TENM3: variants seen among roughly 807,000 people sequenced by gnomAD.
TENM3 encodes the protein teneurin transmembrane protein 3.
A neutral mutation model predicts 255.1 loss-of-function variants in TENM3; 63 were observed. The ratio of observed to expected loss-of-function variants is 0.25; its 90% CI spans 0.20 to 0.30. The LOEUF is 0.30. TENM3 is among the 10% of genes least tolerant of loss of function. The probability of loss-of-function intolerance (pLI) is 1.00; values close to 1 mark genes in which losing one functional copy is unlikely to be tolerated. For missense variants in TENM3, 2,929 were observed against 3,461.1 expected (o/e 0.85, Z 3.86); for synonymous variants, 1,306 against 1,322.3 (o/e 0.99, Z 0.27).
chr4:181,857,166 G>A, the TENM3 span, among the ~76,000 whole-genome samples: 396 of 152,234 alleles, frequency 2.6e-3, no homozygotes, highest in African/African-American at 9.2e-3. Flanking sequence ...GGAGGGGAAG[G>A]TGAGGGCATG....
intron 12 of TENM3, among the ~76,000 whole-genome samples, chr4:182,702,301 T>G (rs775362366): frequency 8.5e-5 from 13 of 152,156 alleles, no homozygotes; most frequent in Non-Finnish European, 1.9e-4. Context: ...ATAAAGAATG[T>G]TCTCAGCAAA....
the TENM3 span, among the ~76,000 whole-genome samples, chr4:181,486,501 A>G: frequency 1.3e-5 from 2 of 152,238 alleles, no homozygotes; most frequent in Non-Finnish European, 2.9e-5. Flanking sequence ...TAGATATATA[A>G]AAAAGGAGGT....
chr4:181,732,280 C>T, the TENM3 span, among the ~76,000 whole-genome samples: 1 of 152,112 alleles, frequency 6.6e-6, no homozygotes, highest in Non-Finnish European at 1.5e-5. Flanking sequence ...GACTGTAGAA[C>T]TCAGAAATGA....
chr4:181,463,300 C>T, the TENM3 span, among the ~76,000 whole-genome samples: 2 of 152,146 alleles, frequency 1.3e-5, no homozygotes, highest in African/African-American at 4.8e-5. Context: ...TTTGTAATGC[C>T]CTTGCAATTT....
chr4:182,685,648 T>C (rs1245472434), intron 11 of TENM3, among the ~76,000 whole-genome samples: 1 of 152,134 alleles, frequency 6.6e-6, no homozygotes, highest in Non-Finnish European at 1.5e-5. Context: ...GATAATTACT[T>C]CTATAGTAAA....
rs1344400477 is a variant in TENM3 at position 182,161,824 on chromosome 4, TACAC to T, written c.-76+17072_-76+17075del. Among the ~76,000 whole-genome samples, 3 of 34,142 alleles carry T rather than the reference TACAC, an allele frequency of 8.8e-5. 1 individual carries two copies. In the South Asian group the frequency reaches 3.2e-3, roughly 36 times the overall value. 22.4% of individuals were successfully genotyped at this position (34,142 alleles called of 152,430 possible). A position where few individuals can be genotyped will look rare whatever the true frequency, so the allele number is the denominator to read the frequency against. On this transcript the variant is annotated intron_variant, in intron 1 of 2. Transcript: ENST00000512480. ...ATATACACATATATATGTATATATA[TACAC>T]ATATATATGTGTATATATACACAAA...
the TENM3 span, among the ~76,000 whole-genome samples, chr4:181,842,641 G>A: frequency 1.3e-5 from 2 of 152,196 alleles, no homozygotes; most frequent in Non-Finnish European, 2.9e-5. Flanking sequence ...ATGTTAAGAG[G>A]TCACCTGAGC....
chr4:182,793,543 G>C lies in TENM3; in HGVS notation c.6871G>C (p.Glu2291Gln). The C allele has an allele frequency of 6.2e-7, 1 of 1,614,008 alleles. No homozygotes were observed. Among genetic ancestry groups the C allele is most frequent in the Non-Finnish European group, 8.5e-7 (1 of 1,179,864 alleles). ...TGCCATGGAAATCAGCAGTGGGGAT[G>C]AATTCTATATTGCATCGGATAACAC... ...LFAMEISSGD[E>Q]FYIASDNTGT... is the part of the protein sequence containing the mutation. Residue 2291 changes from glutamate (E) to glutamine (Q), a missense_variant, in exon 26 of 28, where the codon GAA becomes CAA. This residue lies in a region of TENM3 where 256 missense variants were observed against 389.3 expected (regional missense o/e 0.66). Coordinates refer to ENST00000511685, the MANE Select transcript of TENM3 (RefSeq NM_001080477.4). The surrounding 1 kb of genome is among the most constrained non-coding windows in gnomAD (Gnocchi z 5.7).
chr4:181,569,374 T>C, the TENM3 span, among the ~76,000 whole-genome samples: 1 of 152,232 alleles, frequency 6.6e-6, no homozygotes, highest in Admixed American at 6.5e-5. Context: ...ATCCTGTTAC[T>C]ATTATACTGC....
chr4:182,551,887 C>T (rs1273545523), intron 3 of TENM3, among the ~76,000 whole-genome samples: 2 of 151,876 alleles, frequency 1.3e-5, no homozygotes, highest in Non-Finnish European at 2.9e-5. Context: ...CGTGGTAGTG[C>T]ATGCCTGTAA....
chr4:181,811,195 A>C, the TENM3 span, among the ~76,000 whole-genome samples: 1 of 152,202 alleles, frequency 6.6e-6, no homozygotes, highest in Non-Finnish European at 1.5e-5. Context: ...AATTGAAAGG[A>C]TCACTTGACA....
At chr4:181,943,357 G>A in the TENM3 span, among the ~76,000 whole-genome samples, 1 of 152,140 alleles carries the variant, frequency 6.6e-6, no homozygotes, top group African/African-American at 2.4e-5. Context: ...CAGATTACAA[G>A]CAGGGGAGAG....
At chr4:182,696,367 A>G (rs1561123463) in intron 12 of TENM3, among the ~76,000 whole-genome samples, 1 of 152,218 alleles carries the variant, frequency 6.6e-6, no homozygotes, top group Non-Finnish European at 1.5e-5. Context: ...GAGGCAATCA[A>G]AGAGTAATTA....
the TENM3 span, among the ~76,000 whole-genome samples, chr4:181,676,404 A>T: frequency 9.8e-5 from 14 of 142,970 alleles, no homozygotes; most frequent in South Asian, 3.0e-3. Context: ...TTCAGGAGGT[A>T]TATGTGCAGG....
chr4:182,166,939 G>C (rs1751762661), intron 1 of TENM3, among the ~76,000 whole-genome samples: 1 of 152,058 alleles, frequency 6.6e-6, no homozygotes, highest in Non-Finnish European at 1.5e-5. Flanking sequence ...GTTATGTTTA[G>C]AATTTTAGCT....
At chr4:182,370,270 C>T (rs758114187) in intron 3 of TENM3, among the ~76,000 whole-genome samples, 2 of 152,142 alleles carry the variant, frequency 1.3e-5, no homozygotes, top group Non-Finnish European at 2.9e-5. Context: ...TCAAACATAA[C>T]CCAAGTTTCC....
chr4:182,520,072 T>G (rs1388057626), intron 3 of TENM3, among the ~76,000 whole-genome samples: 1 of 152,126 alleles, frequency 6.6e-6, no homozygotes, highest in Non-Finnish European at 1.5e-5. Flanking sequence ...TGTATAGAAT[T>G]AAGCAAATAA....
the TENM3 span, among the ~76,000 whole-genome samples, chr4:181,861,841 T>G: frequency 6.6e-6 from 1 of 152,326 alleles, no homozygotes; most frequent in Non-Finnish European, 1.5e-5. Flanking sequence ...TGTGAAATTA[T>G]CCTTTGTGTG....
At chr4:181,789,541 G>A in the TENM3 span, among the ~76,000 whole-genome samples, 65 of 152,070 alleles carry the variant, frequency 4.3e-4, 2 homozygotes, top group Middle Eastern at 3.4e-3. Context: ...ACAGGCGTGA[G>A]CCACTAGAGC....
Sources: allele counts gnomAD v4.1 joint callset (sites outside exome capture counted in the v4.1 genomes callset), GRCh38; gene constraint gnomAD v4.1.1; regional missense constraint gnomAD v4.1.1; non-coding constraint Gnocchi (gnomAD v3.1); transcripts MANE v1.5; gene names NCBI Gene and HGNC (gene_info 2026-07-23, HGNC 2026-07-21).